MAML2: variants seen among roughly 807,000 people sequenced by gnomAD.
MAML2 encodes mastermind like transcriptional coactivator 2, also known as mastermind-like protein 2.
A neutral mutation model predicts 96.1 loss-of-function variants in MAML2; 22 were observed. That is an observed-to-expected ratio of 0.23 (90% confidence interval 0.16 to 0.33). The LOEUF is 0.33. Ranked by LOEUF, MAML2 falls within the 10% of genes least tolerant of loss-of-function variation. The probability of loss-of-function intolerance (pLI) is 1.00; values close to 1 mark genes in which losing one functional copy is unlikely to be tolerated. For synonymous variants in MAML2, 561 were observed against 521.3 expected, an observed-to-expected ratio of 1.08 and a Z score of -1.04; for missense variants, 1,367 against 1,392.4, an observed-to-expected ratio of 0.98 and a Z score of 0.29.
At chr11:96,223,770 C>T (rs945938720) in intron 1 of MAML2, among the ~76,000 whole-genome samples, 1 of 152,122 alleles carries the variant, frequency 6.6e-6, no homozygotes, top group Non-Finnish European at 1.5e-5. Context: ...TATAGTAGTA[C>T]TGTTCTTCTG....
chr11:96,085,554 T>A (rs538457614), intron 2 of MAML2, among the ~76,000 whole-genome samples: 5 of 152,216 alleles, frequency 3.3e-5, no homozygotes, highest in Admixed American at 6.5e-5. Flanking sequence ...ACATTACAGT[T>A]AAATATCTGT....
At chr11:96,174,432 C>T (rs934091422) in intron 1 of MAML2, among the ~76,000 whole-genome samples, 16 of 152,260 alleles carry the variant, frequency 1.1e-4, no homozygotes, top group Middle Eastern at 6.8e-3. Context: ...CTCCCGGGCT[C>T]GAGTGCAATG....
intron 2 of MAML2, among the ~76,000 whole-genome samples, chr11:96,033,176 C>G (rs960736402): frequency 5.3e-5 from 8 of 152,198 alleles, no homozygotes; most frequent in African/African-American, 1.9e-4. Context: ...CCTAAGATGA[C>G]TGCTGTTCAC....
chr11:96,013,024 G>A (rs1858288944), intron 2 of MAML2, among the ~76,000 whole-genome samples: 1 of 152,154 alleles, frequency 6.6e-6, no homozygotes, highest in Non-Finnish European at 1.5e-5. Flanking sequence ...GACTAACTTG[G>A]AGGGTTTTTA....
intron 2 of MAML2, among the ~76,000 whole-genome samples, chr11:96,059,722 T>G (rs1263583413): frequency 2.6e-5 from 4 of 152,202 alleles, no homozygotes; most frequent in African/African-American, 9.6e-5. Context: ...ATGTCGGCAC[T>G]CAAAAAGTTT....
chr11:96,192,269 T>C (rs536909572), intron 1 of MAML2, among the ~76,000 whole-genome samples: 2 of 152,312 alleles, frequency 1.3e-5, no homozygotes, highest in East Asian at 3.9e-4. Context: ...CGATTTGCTC[T>C]CACTTTTGAG....
intron 1 of MAML2, among the ~76,000 whole-genome samples, chr11:96,296,452 A>C (rs1023459823): frequency 1.3e-5 from 2 of 152,004 alleles, no homozygotes; most frequent in Non-Finnish European, 2.9e-5. Flanking sequence ...GACCAGCCTG[A>C]CCAACATGGT....
intron 1 of MAML2, among the ~76,000 whole-genome samples, chr11:96,112,954 G>C (rs547526512): frequency 1.3e-5 from 2 of 152,150 alleles, no homozygotes; most frequent in South Asian, 4.1e-4. Flanking sequence ...GCAAAAGTTC[G>C]CCCTCTGCAC....
rs370555020 is a variant in MAML2 at position 96,093,426 on chromosome 11, T to A, written c.605A>T (p.Asp202Val). The A allele has an allele frequency of 6.2e-7, 1 of 1,614,056 alleles. No individual in the cohort carries two copies. ...PNGFVDNSFL[D>V]IKRIRVGENL... ...CTCCCCAACACGAATTCTTTTGATA[T>A]CAAGAAATGAGTTGTCCACAAAGCC... Residue 202 changes from aspartate (D) to valine (V), a missense_variant, in exon 2 of 5, where the codon GAT becomes GTT. Coordinates refer to ENST00000524717, the MANE Select transcript of MAML2 (RefSeq NM_032427.4).
chr11:96,189,587 T>C (rs1282402882), intron 1 of MAML2, among the ~76,000 whole-genome samples: 1 of 152,252 alleles, frequency 6.6e-6, no homozygotes, highest in South Asian at 2.1e-4. Context: ...AGCAAATCTG[T>C]TTTTCTTCTG....
chr11:96,133,975 C>T (rs886848207), intron 1 of MAML2, among the ~76,000 whole-genome samples: 18 of 150,980 alleles, frequency 1.2e-4, no homozygotes, highest in South Asian at 2.1e-4. Flanking sequence ...GCCTGAGCAA[C>T]GGAGCAAGAC....
chr11:96,311,888 A>T (rs562054497), intron 1 of MAML2, among the ~76,000 whole-genome samples: 27 of 152,276 alleles, frequency 1.8e-4, no homozygotes, highest in African/African-American at 6.3e-4. Context: ...CTTCTTTGCC[A>T]GTGTAGCATG....
intron 2 of MAML2, among the ~76,000 whole-genome samples, chr11:96,013,093 G>A (rs1466785656): frequency 6.6e-6 from 1 of 152,186 alleles, no homozygotes; most frequent in Non-Finnish European, 1.5e-5. Context: ...AAACTGCTAG[G>A]AGCTCAGGTG....
intron 2 of MAML2, among the ~76,000 whole-genome samples, chr11:96,087,452 T>A (rs924193202): frequency 6.6e-6 from 1 of 152,182 alleles, no homozygotes; most frequent in African/African-American, 2.4e-5. Context: ...CCACAGTATG[T>A]CTGTATCAAC....
chr11:96,331,420 C>G (rs1376277859), intron 1 of MAML2, among the ~76,000 whole-genome samples: 25 of 152,010 alleles, frequency 1.6e-4, no homozygotes, highest in Admixed American at 1.6e-3. Flanking sequence ...CTTTTTATAA[C>G]CTGGAATAGA....
chr11:96,151,927 A>G (rs1860930721), intron 1 of MAML2, among the ~76,000 whole-genome samples: 1 of 152,198 alleles, frequency 6.6e-6, no homozygotes, highest in African/African-American at 2.4e-5. Context: ...TGTTGAAAAA[A>G]TGTTTATAGC....
At chr11:96,216,711 G>A (rs573466736) in intron 1 of MAML2, among the ~76,000 whole-genome samples, 8 of 152,268 alleles carry the variant, frequency 5.3e-5, no homozygotes, top group South Asian at 2.1e-4. Context: ...CTCAGGAAGC[G>A]TGCAGCCCAT....
chr11:96,111,398 C>A (rs1860121763), intron 1 of MAML2, among the ~76,000 whole-genome samples: 1 of 152,118 alleles, frequency 6.6e-6, no homozygotes, highest in African/African-American at 2.4e-5. Flanking sequence ...TGCAATTTAT[C>A]TTTGCGCGCA....
chr11:96,280,719 A>G (rs1235421341), intron 1 of MAML2, among the ~76,000 whole-genome samples: 1 of 152,232 alleles, frequency 6.6e-6, no homozygotes. Context: ...CCTATTTGCA[A>G]CATGAACTGG....
Sources: gnomAD v4.1 joint callset for allele counts (sites outside exome capture counted in the v4.1 genomes callset) on GRCh38, gnomAD v4.1.1 for gene constraint, MANE v1.5 for transcripts, NCBI Gene and HGNC (gene_info 2026-07-23, HGNC 2026-07-21) for gene names.